TSHZ2: variants seen among roughly 807,000 people sequenced by gnomAD.
TSHZ2 encodes the protein teashirt zinc finger homeobox 2.
Under a neutral mutation model 74.4 loss-of-function variants are expected in TSHZ2, and 21 were observed. The observed-to-expected ratio is 0.28, with a 90% CI of 0.20 to 0.41. The LOEUF (loss-of-function observed/expected upper bound fraction) is 0.41, where lower values mean the gene tolerates loss of function less well. Among genes scored for constraint, TSHZ2 ranks in the 10% least tolerant of loss-of-function variants. The pLI is 1.00. For missense variants in TSHZ2, 1,244 were observed against 1,293.5 expected (o/e 0.96, Z 0.59); for synonymous variants, 540 against 515.3 (o/e 1.05, Z -0.65).
At chr20:53,127,927 T>A (rs1358769776) in intron 1 of TSHZ2, among the ~76,000 whole-genome samples, 2 of 152,166 alleles carry the variant, frequency 1.3e-5, no homozygotes, top group Admixed American at 1.3e-4. Context: ...AGGTCTTTAT[T>A]CCTGTTCATG....
chr20:53,030,351 T>TAA (rs58895342), intron 1 of TSHZ2, among the ~76,000 whole-genome samples: 64 of 146,172 alleles, frequency 4.4e-4, no homozygotes, highest in Admixed American at 3.1e-3. Flanking sequence ...AGCACTGACT[T>TAA]AAAAAAAAAA....
intron 1 of TSHZ2, among the ~76,000 whole-genome samples, chr20:53,199,856 T>C (rs1041373116): frequency 1.3e-5 from 2 of 152,214 alleles, no homozygotes; most frequent in Non-Finnish European, 2.9e-5. Context: ...AGTCTTCTAA[T>C]CTGTCAAGTG....
chr20:53,269,417 C>T (rs1990785022), intron 2 of TSHZ2, among the ~76,000 whole-genome samples: 1 of 152,124 alleles, frequency 6.6e-6, no homozygotes, highest in Non-Finnish European at 1.5e-5. Flanking sequence ...ACCTGCATTT[C>T]CTTCCCTCCA....
intron 1 of TSHZ2, among the ~76,000 whole-genome samples, chr20:53,085,368 AAGAAAG>A (rs1337679708): frequency 6.6e-6 from 1 of 151,966 alleles, no homozygotes; most frequent in African/African-American, 2.4e-5. Context: ...CCATCTCAAA[AAGAAAG>A]AGAGAGAGAG....
chr20:53,384,450 A>G (rs1244605825), intron 2 of TSHZ2, among the ~76,000 whole-genome samples: 1 of 152,126 alleles, frequency 6.6e-6, no homozygotes, highest in Non-Finnish European at 1.5e-5. Context: ...TGGTGGGGAG[A>G]GCATCATATA....
intron 1 of TSHZ2, among the ~76,000 whole-genome samples, chr20:53,028,466 C>G (rs1451751361): frequency 1.3e-5 from 2 of 152,258 alleles, no homozygotes; most frequent in Non-Finnish European, 2.9e-5. Context: ...TGTTTGATGA[C>G]TCGCTGCTCC....
intron 1 of TSHZ2, among the ~76,000 whole-genome samples, chr20:53,205,943 G>A (rs1244641150): frequency 2.0e-5 from 3 of 152,158 alleles, no homozygotes; most frequent in South Asian, 2.1e-4. Flanking sequence ...CATATGGGCC[G>A]GGCACGGTGG....
intron 1 of TSHZ2, among the ~76,000 whole-genome samples, chr20:53,218,549 C>T (rs1242662441): frequency 6.6e-6 from 1 of 152,210 alleles, no homozygotes; most frequent in Non-Finnish European, 1.5e-5. Context: ...GTTCTATATT[C>T]GCAGATGACG....
chr20:52,975,400 C>G (rs867428647), intron 1 of TSHZ2, among the ~76,000 whole-genome samples: 1 of 152,044 alleles, frequency 6.6e-6, no homozygotes, highest in Non-Finnish European at 1.5e-5. Context: ...AATTATCCTA[C>G]GATCGATAAG....
chr20:53,405,210 T>C (rs1196847509), intron 2 of TSHZ2, among the ~76,000 whole-genome samples: 2 of 147,826 alleles, frequency 1.4e-5, no homozygotes, highest in East Asian at 4.0e-4. Flanking sequence ...GATTGCACCA[T>C]GGCACTCCAG....
chr20:53,191,800 T>C (rs1988743045), intron 1 of TSHZ2, among the ~76,000 whole-genome samples: 1 of 152,214 alleles, frequency 6.6e-6, no homozygotes, highest in South Asian at 2.1e-4. Flanking sequence ...AAGTCTGACA[T>C]AGACACAAAG....
intron 2 of TSHZ2, among the ~76,000 whole-genome samples, chr20:53,459,686 C>T (rs529697598): frequency 4.2e-5 from 6 of 141,780 alleles, no homozygotes; most frequent in East Asian, 2.0e-4. Context: ...GATTTTGCAG[C>T]GGCTGGTACC....
At chr20:53,152,400 A>C (rs527785642) in intron 1 of TSHZ2, among the ~76,000 whole-genome samples, 1 of 151,850 alleles carries the variant, frequency 6.6e-6, no homozygotes, top group East Asian at 1.9e-4. Flanking sequence ...CCTAACCCTG[A>C]CTCTCAGCCT....
At chr20:53,123,313 G>T (rs1414258236) in intron 1 of TSHZ2, among the ~76,000 whole-genome samples, 1 of 152,176 alleles carries the variant, frequency 6.6e-6, no homozygotes, top group Non-Finnish European at 1.5e-5. Flanking sequence ...CAGATGACCT[G>T]GGCTAGAGCT....
chr20:53,001,205 C>CGTGTGTGTGTGTGTGTGTGTGTATGT (rs1982398139), intron 1 of TSHZ2, among the ~76,000 whole-genome samples: 4 of 94,192 alleles, frequency 4.2e-5, no homozygotes, highest in African/African-American at 1.6e-4. Flanking sequence ...CGTTCATGTG[C>CGTGTGTGTGTGTGTGTGTGTGTATGT]GTGTGTGTGT....
At chr20:53,430,641 G>T (rs1017228381) in intron 2 of TSHZ2, among the ~76,000 whole-genome samples, 2 of 151,734 alleles carry the variant, frequency 1.3e-5, no homozygotes, top group African/African-American at 4.8e-5. Flanking sequence ...ATTAACCTGG[G>T]CAACATAGTG....
intron 1 of TSHZ2, among the ~76,000 whole-genome samples, chr20:53,143,066 T>A (rs1273294080): frequency 6.6e-6 from 1 of 152,064 alleles, no homozygotes; most frequent in Non-Finnish European, 1.5e-5. Flanking sequence ...CAGTCCATTT[T>A]GTGTGTGTGT....
intron 2 of TSHZ2, among the ~76,000 whole-genome samples, chr20:53,368,069 G>A (rs771217943): frequency 2.6e-5 from 4 of 151,976 alleles, no homozygotes; most frequent in South Asian, 4.2e-4. Context: ...TTCCTCCCGC[G>A]CTGGGACAAA....
intron 1 of TSHZ2, among the ~76,000 whole-genome samples, chr20:53,104,571 C>T (rs1447719309): frequency 1.3e-5 from 2 of 152,096 alleles, no homozygotes; most frequent in African/African-American, 4.8e-5. Flanking sequence ...TGTGACAGAT[C>T]CGACTGAAGA....
Sources: gnomAD v4.1 joint callset for allele counts (sites outside exome capture counted in the v4.1 genomes callset) on GRCh38, gnomAD v4.1.1 for gene constraint, MANE v1.5 for transcripts, NCBI Gene and HGNC (gene_info 2026-07-23, HGNC 2026-07-21) for gene names.